FSIP2: variants seen among roughly 807,000 people sequenced by gnomAD.
FSIP2 encodes the protein fibrous sheath-interacting protein 2.
In FSIP2, 367 loss-of-function variants were observed where a neutral mutation model predicts 510.5. The ratio of observed to expected loss-of-function variants is 0.72; its 90% CI spans 0.66 to 0.78. FSIP2 has a LOEUF of 0.78. Ranked by LOEUF, FSIP2 falls within the 30% of genes least tolerant of loss-of-function variation. FSIP2 has a pLI of 0.00. For synonymous variants in FSIP2, 2,601 were observed against 2,732.2 expected, an observed-to-expected ratio of 0.95 and a Z score of 1.50; for missense variants, 7,594 against 7,901.7, an observed-to-expected ratio of 0.96 and a Z score of 1.48.
At chr2:185,815,528 T>A in intron 19 of FSIP2, 57 bp downstream of exon 19, 1 of 816,434 alleles carries the variant, frequency 1.2e-6, no homozygotes, top group Non-Finnish European at 1.9e-6. Flanking sequence ...AGCTTATGAG[T>A]AGAATGGGGC....
chr2:185,740,632 C>T (rs529400408), intron 2 of FSIP2, among the ~76,000 whole-genome samples: 4 of 152,220 alleles, frequency 2.6e-5, no homozygotes, highest in Admixed American at 1.3e-4. Flanking sequence ...TTAGAAATAA[C>T]GTAAATTTAT....
At chr2:185,821,789 G>A (rs1693924953) in intron 19 of FSIP2, among the ~76,000 whole-genome samples, 1 of 151,748 alleles carries the variant, frequency 6.6e-6, no homozygotes, top group Non-Finnish European at 1.5e-5. Flanking sequence ...AGCCAGACAT[G>A]GTGGTGTGCA....
Position 185,782,740 on chromosome 2 carries a change from T to C in FSIP2, c.1447T>C (p.Ser483Pro). Residue 483 changes from serine to proline, a missense_variant, in exon 14 of 23, where the codon TCT becomes CCT. Physicochemically the swap from Ser to Pro is moderately conservative, Grantham distance 74. Coordinates refer to ENST00000424728, the MANE Select transcript of FSIP2 (RefSeq NM_173651.4). ...TCATGCTACAGACCCGGGTATATTT[T>C]CTTCTCCTGTTTACACAAATATGTA... ...QAHATDPGIF[S>P]SPVYTNMQQN... is the part of the protein sequence containing the mutation. 8 of 1,509,544 alleles carry C rather than the reference T, an allele frequency of 5.3e-6. No homozygotes were observed. The highest frequency in any genetic ancestry group is 7.1e-6 in the Non-Finnish European group (8 of 1,122,654). 93.5% of individuals were successfully genotyped at this position (1,509,544 alleles called of 1,614,324 possible).
intron 14 of FSIP2, chr2:185,783,906 C>A (rs1209176772): frequency 6.6e-6 from 1 of 152,074 alleles, no homozygotes; most frequent in Non-Finnish European, 1.5e-5. Flanking sequence ...GATATTGTTT[C>A]ATTAAAAATC....
chr2:185,809,772 TTGC>T (rs1273025202), intron 17 of FSIP2, among the ~76,000 whole-genome samples: 3 of 152,004 alleles, frequency 2.0e-5, no homozygotes, highest in South Asian at 2.1e-4. Flanking sequence ...AGCTGCAGTA[TTGC>T]TGCTATTTTT....
In FSIP2 at chr2:185,739,348, C is replaced by G. The variant is rs993154283; in HGVS notation, c.102C>G (p.Gly34=). The G allele has an allele frequency of 1.3e-6, 2 of 1,527,824 alleles. No individual in the cohort carries two copies. The highest frequency in any genetic ancestry group is 2.0e-5 in the Admixed American group (1 of 48,918). The allele number at this position is 1,527,824 out of a possible 1,614,324, so 94.6% of individuals were successfully genotyped here. Residue 34 remains glycine (G), a splice_region_variant and synonymous_variant, in exon 2 of 23, where the codon GGC becomes GGG. Transcript: ENST00000424728. ...LAADTQQCRD[G]VHKTHFAGVG... ...AACTCTCCAATTGTGTCTGACAGGG[C>G]GTGCACAAAACCCACTTTGCAGGGG...
chr2:185,766,393 G>A (rs1692480659), intron 13 of FSIP2: 1 of 147,890 alleles, frequency 6.8e-6, no homozygotes, highest in Admixed American at 6.8e-5. Context: ...CTACAAAATG[G>A]GAGAAAATTT....
intron 7 of FSIP2, 128 bp downstream of exon 7, chr2:185,747,551 A>C (rs1295994239): frequency 1.9e-6 from 1 of 521,898 alleles, no homozygotes; most frequent in Admixed American, 3.2e-5. Flanking sequence ...ATGATATAAA[A>C]CTGCAAGTTA....
chr2:185,747,810 A>G (rs558842725), intron 7 of FSIP2, among the ~76,000 whole-genome samples: 74 of 152,132 alleles, frequency 4.9e-4, no homozygotes, highest in Non-Finnish European at 1.0e-3. Context: ...TTTAGAGTGT[A>G]AATCAATAAA....
At position 185,795,939 on chromosome 2, in the gene FSIP2, C is replaced by A; in HGVS notation, c.8803C>A (p.Gln2935Lys). 6.5e-7 allele frequency: 1 copy of A among 1,534,496 alleles called. No individual in the cohort carries two copies. The highest frequency in any genetic ancestry group is 1.4e-5 in the African/African-American group (1 of 72,992). Residue 2935 changes from glutamine (Q) to lysine (K), a missense_variant, in exon 16 of 23, where the codon CAA becomes AAA. Transcript: ENST00000424728. Reference protein sequence around the residue: ...LEKLQLCFLSQIPTPDSEETL... With the variant: ...LEKLQLCFLSKIPTPDSEETL... ...AAAACTACAGCTATGCTTTCTGTCC[C>A]AAATTCCCACTCCAGATAGTGAAGA...
intron 19 of FSIP2, among the ~76,000 whole-genome samples, chr2:185,816,788 C>A (rs888821373): frequency 6.6e-6 from 1 of 151,220 alleles, no homozygotes; most frequent in African/African-American, 2.4e-5. Flanking sequence ...CTCAGGAGTT[C>A]AAAGTTACAG....
In FSIP2 at chr2:185,788,741, A is replaced by G; in HGVS notation, c.1605A>G (p.Glu535=). The change falls in exon 16 of 23, where the codon GAA becomes GAG. Residue 535 remains glutamate, a synonymous_variant. Coordinates refer to ENST00000424728, the MANE Select transcript of FSIP2 (RefSeq NM_173651.4). ...SILYPAITKY[E]KRLQNNTYPV... ...TGTACCCAGCCATCACAAAGTATGA[A>G]AAAAGATTGCAAAATAATACATACC... The G allele has an allele frequency of 6.5e-7, 1 of 1,534,274 alleles. No homozygotes were observed. Among genetic ancestry groups the G allele is most frequent in the Non-Finnish European group, 8.7e-7 (1 of 1,145,572 alleles).
At chr2:185,833,052 A>AATAAAGATATCATTCTTC in intron 22 of FSIP2, 38 bp from the exon 23 acceptor site, 1 of 1,600,678 alleles carries the variant, frequency 6.2e-7, no homozygotes, top group East Asian at 2.2e-5. Context: ...AGTGTTCAAA[A>AATAAAGATATCATTCTTC]ATAAAGATAT....
upstream of FSIP2, among the ~76,000 whole-genome samples, chr2:185,738,411 G>T (rs1189088000): frequency 6.6e-6 from 1 of 152,168 alleles, no homozygotes; most frequent in Non-Finnish European, 1.5e-5. Flanking sequence ...CAACGCGTCT[G>T]CCTTGTGGAC....
chr2:185,793,645 C>T lies in FSIP2; in HGVS notation c.6509C>T (p.Ala2170Val), dbSNP rs1425517325. The change falls in exon 16 of 23, where the codon GCT becomes GTT. Residue 2170 changes from alanine to valine, a missense_variant. Ala to Val is a moderately conservative substitution (Grantham distance 64, BLOSUM62 0). Transcript: ENST00000424728. ...ATTGTTCTTCATAATCTCAGTTCTG[C>T]TGCCACGCTTGTCATAAATGCAAAG... is the stretch of plus-strand genomic sequence containing the variant. ...VNIVLHNLSS[A>V]ATLVINAKNP... The T allele has an allele frequency of 6.5e-7, 1 of 1,534,536 alleles. No individual in the cohort carries two copies. Among genetic ancestry groups the T allele is most frequent in the Non-Finnish European group, 8.7e-7 (1 of 1,145,654 alleles).
chr2:185,747,055 T>C (rs1692048591), intron 6 of FSIP2, among the ~76,000 whole-genome samples: 1 of 152,136 alleles, frequency 6.6e-6, no homozygotes, highest in African/African-American at 2.4e-5. Context: ...AACTAGACAC[T>C]ATTTAACTCT....
chr2:185,741,759 G>A (rs1410044353), intron 2 of FSIP2, among the ~76,000 whole-genome samples: 6 of 152,140 alleles, frequency 3.9e-5, no homozygotes, highest in Non-Finnish European at 5.9e-5. Flanking sequence ...TAAACAAGAG[G>A]TCAGAAACTT....
intron 3 of FSIP2, among the ~76,000 whole-genome samples, chr2:185,743,561 A>G (rs1377914030): frequency 6.6e-6 from 1 of 152,176 alleles, no homozygotes; most frequent in Non-Finnish European, 1.5e-5. Flanking sequence ...ACAAAGATAT[A>G]TTATTTTCCC....
At position 185,794,592 on chromosome 2, in the gene FSIP2, G is replaced by C. The variant is rs936626573; in HGVS notation, c.7456G>C (p.Ala2486Pro). ...KNKEKGELLI[A>P]VEELLNKLYQ... The stretch of plus-strand genomic sequence containing the variant: ...CAAAGAAAAAGGTGAACTGCTCATT[G>C]CAGTGGAAGAACTTTTGAATAAGTT... Residue 2486 changes from alanine to proline, a missense_variant, in exon 16 of 23, where the codon GCA (alanine) becomes CCA (proline). Ala to Pro is a conservative substitution (Grantham distance 27, BLOSUM62 -1). Coordinates refer to ENST00000424728, the MANE Select transcript of FSIP2 (RefSeq NM_173651.4). The C allele has an allele frequency of 6.5e-7, 1 of 1,532,206 alleles. No homozygotes were observed. Among genetic ancestry groups the C allele is most frequent in the Admixed American group, 2.0e-5 (1 of 50,564 alleles). 94.9% of individuals were successfully genotyped at this position (1,532,206 alleles called of 1,614,324 possible).
Sources: gnomAD v4.1 joint callset for allele counts (sites outside exome capture counted in the v4.1 genomes callset) on GRCh38, gnomAD v4.1.1 for gene constraint, MANE v1.5 for transcripts, NCBI Gene and HGNC (gene_info 2026-07-23, HGNC 2026-07-21) for gene names.